The following SMYD3 variants were observed in gnomAD, a reference collection of about 807,000 sequenced individuals.
SMYD3 encodes histone-lysine N-methyltransferase SMYD3.
A neutral mutation model predicts 57.7 loss-of-function variants in SMYD3; 36 were observed. That is an observed-to-expected ratio of 0.62 (90% CI 0.48 to 0.82). The LOEUF (loss-of-function observed/expected upper bound fraction) is 0.82, where lower values mean the gene tolerates loss of function less well. Ranked by LOEUF, SMYD3 falls within the 40% of genes least tolerant of loss-of-function variation. The pLI, the probability that SMYD3 is intolerant of heterozygous loss-of-function variation, is 0.00. For missense variants in SMYD3, 515 were observed against 538.8 expected (o/e 0.96, Z 0.44); for synonymous variants, 211 against 195.0 (o/e 1.08, Z -0.68).
intron 2 of SMYD3, among the ~76,000 whole-genome samples, chr1:246,348,811 T>C (rs1030060381): frequency 6.6e-6 from 1 of 151,994 alleles, no homozygotes; most frequent in African/African-American, 2.4e-5. Flanking sequence ...TTTTTCTTTA[T>C]AAATTACTCA....
chr1:246,313,634 A>C (rs1034102492), intron 5 of SMYD3, among the ~76,000 whole-genome samples: 21 of 152,216 alleles, frequency 1.4e-4, no homozygotes, highest in African/African-American at 5.1e-4. Flanking sequence ...GTCTGGTCAC[A>C]TGTAGCTCTA....
chr1:245,953,452 G>A (rs753119375), intron 5 of SMYD3: 6 of 649,208 alleles, frequency 9.2e-6, no homozygotes, highest in Admixed American at 6.3e-5. Context: ...ACAGAGTCTC[G>A]CTCTGTCACC....
At chr1:245,843,883 C>T (rs2148428213) in intron 10 of SMYD3, among the ~76,000 whole-genome samples, 1 of 152,278 alleles carries the variant, frequency 6.6e-6, no homozygotes, top group Middle Eastern at 3.4e-3. Flanking sequence ...AGGGACATTA[C>T]AGTCATGTGG....
intron 5 of SMYD3, among the ~76,000 whole-genome samples, chr1:245,942,755 A>T (rs1266991814): frequency 6.6e-6 from 1 of 152,224 alleles, no homozygotes; most frequent in African/African-American, 2.4e-5. Context: ...ACTAATCAGC[A>T]AATGCAAAAT....
intron 10 of SMYD3, among the ~76,000 whole-genome samples, chr1:245,812,583 A>G (rs1293047232): frequency 6.6e-6 from 1 of 152,032 alleles, no homozygotes; most frequent in Non-Finnish European, 1.5e-5. Flanking sequence ...TTTCCGTGAA[A>G]ACACACCTGG....
At chr1:245,987,834 G>A (rs905867218) in intron 5 of SMYD3, among the ~76,000 whole-genome samples, 4 of 152,184 alleles carry the variant, frequency 2.6e-5, no homozygotes, top group Non-Finnish European at 5.9e-5. Context: ...AGACAGAACA[G>A]CTTCGTTGTA....
At chr1:246,385,285 T>C (rs1353899075) in intron 1 of SMYD3, among the ~76,000 whole-genome samples, 2 of 152,274 alleles carry the variant, frequency 1.3e-5, no homozygotes, top group Middle Eastern at 3.4e-3. Context: ...GAATTTTAAG[T>C]ACTAGGAATA....
At chr1:245,782,002 T>A (rs1003283745) in intron 10 of SMYD3, among the ~76,000 whole-genome samples, 14 of 151,884 alleles carry the variant, frequency 9.2e-5, no homozygotes, top group East Asian at 1.9e-4. Context: ...AAATTTTTTT[T>A]AAAAAAGAAA....
chr1:246,172,207 T>C (rs1039121355), intron 5 of SMYD3, among the ~76,000 whole-genome samples: 4 of 151,592 alleles, frequency 2.6e-5, no homozygotes, highest in African/African-American at 9.7e-5. Flanking sequence ...CCTAGAACAC[T>C]CACTGTTCTC....
At chr1:246,193,223 T>C (rs1437435377) in intron 5 of SMYD3, among the ~76,000 whole-genome samples, 1 of 152,152 alleles carries the variant, frequency 6.6e-6, no homozygotes. Flanking sequence ...GAGAGCCACA[T>C]TGGTAGAAAC....
intron 5 of SMYD3, among the ~76,000 whole-genome samples, chr1:246,219,866 G>A (rs916974244): frequency 2.0e-5 from 3 of 152,068 alleles, no homozygotes; most frequent in South Asian, 2.1e-4. Context: ...CAGCAGATCC[G>A]ACTGAGTGGG....
chr1:246,175,980 A>G (rs1235303037), intron 5 of SMYD3, among the ~76,000 whole-genome samples: 1 of 152,226 alleles, frequency 6.6e-6, no homozygotes, highest in Non-Finnish European at 1.5e-5. Flanking sequence ...TACTGACTCA[A>G]GTTACCACAT....
At chr1:245,847,591 T>C (rs917078540) in intron 10 of SMYD3, among the ~76,000 whole-genome samples, 2 of 152,224 alleles carry the variant, frequency 1.3e-5, no homozygotes, top group Non-Finnish European at 2.9e-5. Flanking sequence ...TTTCTTTTTT[T>C]CCTACTTTCT....
intron 5 of SMYD3, among the ~76,000 whole-genome samples, chr1:246,165,927 T>C (rs1344975105): frequency 6.6e-6 from 1 of 152,074 alleles, no homozygotes; most frequent in East Asian, 1.9e-4. Flanking sequence ...GAATCAATAA[T>C]TTCAGTAACC....
At chr1:245,806,640 G>A (rs1273561980) in intron 10 of SMYD3, among the ~76,000 whole-genome samples, 1 of 152,110 alleles carries the variant, frequency 6.6e-6, no homozygotes, top group Non-Finnish European at 1.5e-5. Flanking sequence ...GCCGGGCGCG[G>A]TGGCTCACGC....
At chr1:246,322,739 A>G (rs544817578) in intron 5 of SMYD3, among the ~76,000 whole-genome samples, 24 of 152,330 alleles carry the variant, frequency 1.6e-4, no homozygotes, top group African/African-American at 4.3e-4. Flanking sequence ...AAACAAAACT[A>G]TCCAAATAAA....
intron 8 of SMYD3, among the ~76,000 whole-genome samples, chr1:245,896,145 G>A (rs780496265): frequency 6.6e-6 from 1 of 152,138 alleles, no homozygotes; most frequent in Non-Finnish European, 1.5e-5. Context: ...CTGCTCCACA[G>A]ACGGCTGACA....
chr1:245,814,398 T>C, intron 10 of SMYD3: 2 of 984,988 alleles, frequency 2.0e-6, no homozygotes, highest in Non-Finnish European at 2.4e-6. Flanking sequence ...AAGAAGATTC[T>C]TTCCTGGTCT....
chr1:245,904,406 C>G (rs1558478087), intron 8 of SMYD3, among the ~76,000 whole-genome samples: 1 of 152,184 alleles, frequency 6.6e-6, no homozygotes, highest in Non-Finnish European at 1.5e-5. Flanking sequence ...CAGGTAATAT[C>G]TTCATAGCAG....
Sources: gnomAD v4.1 joint callset for allele counts (sites outside exome capture counted in the v4.1 genomes callset) on GRCh38, gnomAD v4.1.1 for gene constraint, MANE v1.5 for transcripts, NCBI Gene and HGNC (gene_info 2026-07-23, HGNC 2026-07-21) for gene names.